FAM114A2: variants seen among roughly 807,000 people sequenced by gnomAD.
FAM114A2 encodes the protein protein FAM114A2.
FAM114A2 carries 53 observed loss-of-function variants against 58.4 expected under a neutral mutation model. The observed-to-expected ratio is 0.91, with a 90% CI of 0.73 to 1.14. The LOEUF (loss-of-function observed/expected upper bound fraction) is 1.14, where lower values mean the gene tolerates loss of function less well. FAM114A2 is among the 50% of genes most tolerant of loss of function. The probability of loss-of-function intolerance (pLI) is 0.00; values close to 1 mark genes in which losing one functional copy is unlikely to be tolerated. For missense variants in FAM114A2, 601 were observed against 581.1 expected, an observed-to-expected ratio of 1.03 and a Z score of -0.35; for synonymous variants, 228 against 211.4, an observed-to-expected ratio of 1.08 and a Z score of -0.68.
intron 13 of FAM114A2, 194 bp downstream of exon 13, chr5:153,994,722 TGCA>T (rs780744129): frequency 3.8e-4 from 200 of 529,410 alleles, no homozygotes; most frequent in Middle Eastern, 3.1e-3. Context: ...TCCAGTACCC[TGCA>T]GCTTCAACTG....
rs370040788 is a variant in FAM114A2, at chr5:154,034,966, A to T, written c.-13T>A. 73 of 1,583,522 alleles carry T rather than the reference A, an allele frequency of 4.6e-5. 1 individual carries two copies. In the African/African-American group the frequency reaches 9.7e-4, roughly 21 times the overall value. Reference sequence around the variant, plus strand: ...CTTTATCTGACATGATTAGAACATCAGCTGGTAAAATGAAAGCCCAAAAAA... The same window carrying T: ...CTTTATCTGACATGATTAGAACATCTGCTGGTAAAATGAAAGCCCAAAAAA... On this transcript the variant is annotated splice_region_variant and 5_prime_UTR_variant, in exon 2 of 14. Coordinates refer to ENST00000351797, the MANE Select transcript of FAM114A2 (RefSeq NM_018691.4).
At chr5:154,021,482 A>G (rs1172887507) in intron 8 of FAM114A2, among the ~76,000 whole-genome samples, 1 of 152,220 alleles carries the variant, frequency 6.6e-6, no homozygotes, top group Non-Finnish European at 1.5e-5. Context: ...GAAAAATCAC[A>G]AGCATTCTTA....
chr5:154,034,110 A>C (rs1772375100), intron 3 of FAM114A2, among the ~76,000 whole-genome samples, 168 bp downstream of exon 3: 1 of 152,246 alleles, frequency 6.6e-6, no homozygotes, highest in Non-Finnish European at 1.5e-5. Flanking sequence ...GAAATGCTAC[A>C]AACTCTAGTG....
chr5:154,010,576 C>T (rs918075841), intron 9 of FAM114A2, among the ~76,000 whole-genome samples: 2 of 152,142 alleles, frequency 1.3e-5, no homozygotes, highest in Non-Finnish European at 2.9e-5. Flanking sequence ...TCCTGAAATG[C>T]TTCTCAAGAT....
intron 5 of FAM114A2, 100 bp from the exon 6 acceptor site, chr5:154,028,383 C>T (rs1303547407): frequency 2.6e-6 from 2 of 779,912 alleles, no homozygotes; most frequent in Non-Finnish European, 3.9e-6. Context: ...GCTAACAATA[C>T]CAAGCACTGG....
intron 9 of FAM114A2, among the ~76,000 whole-genome samples, chr5:154,008,501 C>G (rs1429738794): frequency 6.6e-6 from 1 of 152,102 alleles, no homozygotes; most frequent in Non-Finnish European, 1.5e-5. Flanking sequence ...CCACACCTGA[C>G]CTCATATGAT....
chr5:154,028,742 C>T (rs1376190223), intron 5 of FAM114A2, among the ~76,000 whole-genome samples: 1 of 152,234 alleles, frequency 6.6e-6, no homozygotes, highest in East Asian at 1.9e-4. Flanking sequence ...TATAATGTTG[C>T]ATGAAAGAAG....
chr5:154,023,918 C>T (rs767555140), intron 8 of FAM114A2, among the ~76,000 whole-genome samples: 38 of 152,034 alleles, frequency 2.5e-4, no homozygotes, highest in Non-Finnish European at 5.0e-4. Flanking sequence ...GTAGAGAATC[C>T]ACACAGTTAA....
At chr5:153,999,899 GGATA>G (rs1454093137) in intron 11 of FAM114A2, among the ~76,000 whole-genome samples, 2 of 152,090 alleles carry the variant, frequency 1.3e-5, no homozygotes, top group African/African-American at 4.8e-5. Context: ...GTTGAAAAAT[GGATA>G]AAGAAAATGT....
rs763313947 is a variant in FAM114A2, at chr5:154,033,889, G to A, written c.311-6C>T. On this transcript the variant is annotated splice_region_variant and splice_polypyrimidine_tract_variant and intron_variant, in intron 3 of 13. Transcript: ENST00000351797. ...GACATTTGAAATGCCTTGTCCTAAT[G>A]AGAAAAATAACTTTTTTTTTTGCTA... 9 of 1,575,712 alleles carry A rather than the reference G, an allele frequency of 5.7e-6. No individual in the cohort carries two copies. The East Asian group carries it at 2.0e-4, about 35-fold the overall frequency.
chr5:154,021,852 C>T (rs1771440610), intron 8 of FAM114A2, among the ~76,000 whole-genome samples: 2 of 152,088 alleles, frequency 1.3e-5, no homozygotes, highest in Admixed American at 6.6e-5. Context: ...CAATCCTAAG[C>T]CAAAAGAACA....
rs1769221081 is a variant in FAM114A2 at position 153,990,784 on chromosome 5, T to C, written c.*2192A>G. On this transcript the variant is annotated 3_prime_UTR_variant, in exon 14 of 14. Transcript: ENST00000351797. ...AGTGGTAAATCTTAGACACCAAAAA[T>C]TTAAAAGGAAAATAGTACCAAAAGT... 6.6e-6 allele frequency: 1 copy of C among 152,096 alleles called. No homozygotes were observed. Among genetic ancestry groups the C allele is most frequent in the Non-Finnish European group, 1.5e-5 (1 of 68,018 alleles). 9.4% of individuals were successfully genotyped at this position (152,096 alleles called of 1,614,324 possible). A position where few individuals can be genotyped will look rare whatever the true frequency, so the allele number is the denominator to read the frequency against.
rs1455660737 is a variant in FAM114A2, at chr5:153,994,979, T to C, written c.1330-7A>G. 3 of 1,600,814 alleles carry C rather than the reference T, an allele frequency of 1.9e-6. No homozygotes were observed. Among genetic ancestry groups the C allele is most frequent in the Non-Finnish European group, 2.6e-6 (3 of 1,168,170 alleles). On this transcript the variant is annotated splice_region_variant and splice_polypyrimidine_tract_variant and intron_variant, in intron 12 of 13. Coordinates refer to ENST00000351797, the MANE Select transcript of FAM114A2 (RefSeq NM_018691.4). ...CATCTGCCATTTCTTTGACCTGGAA[T>C]AACGAATACATTTTTAAGTGAGCAG...
intron 8 of FAM114A2, among the ~76,000 whole-genome samples, chr5:154,021,880 T>C (rs1771441891): frequency 1.3e-5 from 2 of 149,488 alleles, no homozygotes; most frequent in South Asian, 4.2e-4. Flanking sequence ...AGGCATCATA[T>C]AGACTTCAAA....
chr5:154,002,250 C>CT lies in FAM114A2; in HGVS notation c.1256dup (p.Met420AspfsTer7). On this transcript the variant is annotated frameshift_variant and splice_region_variant. Coordinates refer to ENST00000351797, the MANE Select transcript of FAM114A2 (RefSeq NM_018691.4). LOFTEE classifies it high-confidence loss of function. The stretch of plus-strand genomic sequence containing the variant: ...TTTAGAGGAATTCTCATTACACTTA[C>CT]TGGGAAAGAGTTTGGCTCCTTTCTA... 1 of 1,613,234 alleles carries CT rather than the reference C, an allele frequency of 6.2e-7. No homozygotes were observed. The highest frequency in any genetic ancestry group is 8.5e-7 in the Non-Finnish European group (1 of 1,179,252).
At chr5:154,011,117 G>A in intron 9 of FAM114A2, 124 bp downstream of exon 9, 2 of 691,466 alleles carry the variant, frequency 2.9e-6, no homozygotes, top group East Asian at 2.7e-5. Flanking sequence ...CCCAATTCTG[G>A]GTATAACGAG....
At chr5:154,027,874 A>AAAAC (rs879922874) in intron 6 of FAM114A2, among the ~76,000 whole-genome samples, 10 of 152,228 alleles carry the variant, frequency 6.6e-5, no homozygotes, top group South Asian at 2.1e-4. Context: ...TTTAAACATT[A>AAAAC]AAACAAACAA....
chr5:154,031,533 C>T (rs1463801017), intron 4 of FAM114A2, among the ~76,000 whole-genome samples: 3 of 152,088 alleles, frequency 2.0e-5, no homozygotes, highest in African/African-American at 7.2e-5. Context: ...TAACCTCCTT[C>T]CTCAGGAACT....
intron 8 of FAM114A2, among the ~76,000 whole-genome samples, chr5:154,014,113 C>T (rs1207941318): frequency 3.3e-5 from 5 of 152,184 alleles, no homozygotes; most frequent in Non-Finnish European, 7.3e-5. Context: ...TATCTCAAGG[C>T]AGCTTTAGAA....
Sources: gnomAD v4.1 joint callset for allele counts (sites outside exome capture counted in the v4.1 genomes callset) on GRCh38, gnomAD v4.1.1 for gene constraint, MANE v1.5 for transcripts, NCBI Gene and HGNC (gene_info 2026-07-23, HGNC 2026-07-21) for gene names.